Variants in KIZ observed in about 807,000 individuals in gnomAD.
KIZ encodes the protein centrosomal protein kizuna.
In KIZ, 68 loss-of-function variants were observed where a neutral mutation model predicts 79.6. The observed-to-expected ratio is 0.85, with a 90% CI of 0.70 to 1.05. The LOEUF (loss-of-function observed/expected upper bound fraction) is 1.05. KIZ is among the 50% of genes least tolerant of loss of function. The pLI, the probability that KIZ is intolerant of heterozygous loss-of-function variation, is 0.00. For missense variants in KIZ, 797 were observed against 800.4 expected, an observed-to-expected ratio of 1.00 and a Z score of 0.05; for synonymous variants, 280 against 281.8, an observed-to-expected ratio of 0.99 and a Z score of 0.06.
intron 6 of KIZ, chr20:21,194,983 G>T (rs2035277907): frequency 6.6e-6 from 1 of 152,204 alleles, no homozygotes; most frequent in Non-Finnish European, 1.5e-5. Context: ...AAAAAATTTA[G>T]AAGTGCAGTT....
chr20:21,126,459 G>A (rs1052093936), intron 1 of KIZ, among the ~76,000 whole-genome samples: 1 of 152,132 alleles, frequency 6.6e-6, no homozygotes, highest in Non-Finnish European at 1.5e-5. Flanking sequence ...TCTACGGTTT[G>A]AGGATGCGGC....
chr20:21,234,773 TAA>T (rs537068910), intron 11 of KIZ, among the ~76,000 whole-genome samples: 34 of 97,146 alleles, frequency 3.5e-4, no homozygotes, highest in Admixed American at 4.2e-4. Flanking sequence ...CCACTGGACC[TAA>T]AAAAAAAAAA....
At chr20:21,161,768 A>T in intron 4 of KIZ, 103 bp from the exon 5 acceptor site, 1 of 742,522 alleles carries the variant, frequency 1.3e-6, no homozygotes, top group South Asian at 2.0e-5. Context: ...GATTTCAATA[A>T]TCATGCTTTG....
Position 21,238,218 on chromosome 20 carries a change from G to GT in KIZ, c.1880+5402dup, listed in dbSNP as rs753582048. On this transcript the variant is annotated intron_variant, in intron 11 of 12. Transcript: ENST00000619189. ...ATAGCTCCACCATTCACTCTAGTTT[G>GT]TTTTTTTTTTTTTTAAATAAAAGTC... 2.6e-3 allele frequency among the ~76,000 whole-genome samples: 358 copies of GT among 138,510 alleles called. 1 individual carries two copies. Among genetic ancestry groups the GT allele is most frequent in the South Asian group, 7.0e-3 (30 of 4,296 alleles). The allele number at this position is 138,510 out of a possible 152,430, so 90.9% of individuals were successfully genotyped here. A position where few individuals can be genotyped will look rare whatever the true frequency, so the allele number is the denominator to read the frequency against.
intron 11 of KIZ, among the ~76,000 whole-genome samples, chr20:21,243,640 A>G (rs1045531370): frequency 6.6e-6 from 1 of 152,222 alleles, no homozygotes; most frequent in Non-Finnish European, 1.5e-5. Context: ...GAGAAATCAT[A>G]TCCCGTGGAG....
At chr20:21,199,618 C>T (rs771025181) in intron 6 of KIZ, among the ~76,000 whole-genome samples, 17 of 152,146 alleles carry the variant, frequency 1.1e-4, no homozygotes, top group Non-Finnish European at 2.1e-4. Flanking sequence ...CAGGCTGCCC[C>T]GCTGCCCTCC....
rs148686049 is a variant in KIZ, at chr20:21,127,770, G to A, written c.89+1566G>A. On this transcript the variant is annotated intron_variant, in intron 1 of 12. Transcript: ENST00000619189. ...TATCAAAACCTGGATTCTAGTCCAC[G>A]AACAATTGTGTGACCTTGAGCAGGT... Among the ~76,000 whole-genome samples the A allele has an allele frequency of 3.1e-3, 477 of 152,270 alleles. 5 individuals are homozygous for A. Among genetic ancestry groups the A allele is most frequent in the African/African-American group, 0.011 (456 of 41,542 alleles).
intron 6 of KIZ, chr20:21,197,343 A>G (rs2035383821): frequency 6.6e-6 from 1 of 152,244 alleles, no homozygotes. Context: ...TTTGACTGCA[A>G]TAGGATCTGA....
chr20:21,152,216 C>G (rs1293227429), intron 4 of KIZ, among the ~76,000 whole-genome samples: 1 of 152,106 alleles, frequency 6.6e-6, no homozygotes, highest in Non-Finnish European at 1.5e-5. Flanking sequence ...AGGCAATGAG[C>G]TGGGGAAAAT....
rs1391886684 is a variant in KIZ at position 21,244,452 on chromosome 20, G to T, written c.1924+164G>T. ...GGGTGGAACCTGAGGGCTTCTGGAG[G>T]CTCAGTTCTTCACAGACAGGACCAC... On this transcript the variant is annotated intron_variant, in intron 12 of 12. Transcript: ENST00000619189. 6.4e-6 allele frequency: 4 copies of T among 625,408 alleles called. No individual in the cohort carries two copies. The African/African-American group carries it at 7.4e-5, about 12-fold the overall frequency. The allele number at this position is 625,408 out of a possible 1,614,324, so 38.7% of individuals were successfully genotyped here.
At chr20:21,221,037 G>C (rs1568990321) in intron 9 of KIZ, among the ~76,000 whole-genome samples, 1 of 152,138 alleles carries the variant, frequency 6.6e-6, no homozygotes, top group Non-Finnish European at 1.5e-5. Flanking sequence ...GGGCTGCTGG[G>C]AGGTCGGTTT....
intron 3 of KIZ, 93 bp downstream of exon 3, chr20:21,136,645 C>T: frequency 1.1e-6 from 1 of 907,034 alleles, no homozygotes; most frequent in South Asian, 2.0e-5. Flanking sequence ...GTTACCCAGG[C>T]TAGACTTGAA....
At chr20:21,212,501 G>T (rs2036109579) in intron 7 of KIZ, among the ~76,000 whole-genome samples, 1 of 152,210 alleles carries the variant, frequency 6.6e-6, no homozygotes, top group East Asian at 1.9e-4. Flanking sequence ...TAATGTAAGT[G>T]TTCTGAGCAG....
intron 11 of KIZ, among the ~76,000 whole-genome samples, chr20:21,240,997 G>A (rs1381949962): frequency 6.6e-6 from 1 of 152,172 alleles, no homozygotes; most frequent in Non-Finnish European, 1.5e-5. Flanking sequence ...CTTACAAGAT[G>A]GAAACATTAC....
At chr20:21,133,620 A>G (rs2031987445) in intron 2 of KIZ, among the ~76,000 whole-genome samples, 1 of 152,218 alleles carries the variant, frequency 6.6e-6, no homozygotes, top group African/African-American at 2.4e-5. Flanking sequence ...TGATTTGCTA[A>G]AAATAGGCTT....
chr20:21,225,954 C>T (rs1027917410), intron 9 of KIZ, among the ~76,000 whole-genome samples: 2 of 152,214 alleles, frequency 1.3e-5, no homozygotes, highest in African/African-American at 4.8e-5. Context: ...GTTCCAACAA[C>T]CCTTTCAACA....
rs188225182 is a variant in KIZ at position 21,162,839 on chromosome 20, G to A, written c.1043-11G>A. ...CAGTGATTGGTAATCAGTTCATGTC[G>A]CCACTTGCAGATCATCTTGCTCACA... On this transcript the variant is annotated splice_polypyrimidine_tract_variant and intron_variant, in intron 5 of 12. Transcript: ENST00000619189. The A allele has an allele frequency of 8.8e-5, 142 of 1,605,228 alleles. No individual in the cohort carries two copies. In the African/African-American group the frequency reaches 1.8e-3, roughly 20 times the overall value.
chr20:21,238,354 T>A (rs62217867), intron 11 of KIZ, among the ~76,000 whole-genome samples: 5 of 113,562 alleles, frequency 4.4e-5, no homozygotes, highest in East Asian at 5.2e-4. Flanking sequence ...AGAGAGAGAG[T>A]GTGTGTGTGT....
At chr20:21,185,015 C>T (rs902198073) in intron 6 of KIZ, among the ~76,000 whole-genome samples, 1 of 151,830 alleles carries the variant, frequency 6.6e-6, no homozygotes, top group Non-Finnish European at 1.5e-5. Context: ...TGCATTCCAG[C>T]CCAGGCAACA....
Sources: gnomAD v4.1 joint callset for allele counts (sites outside exome capture counted in the v4.1 genomes callset) on GRCh38, gnomAD v4.1.1 for gene constraint, MANE v1.5 for transcripts, NCBI Gene and HGNC (gene_info 2026-07-23, HGNC 2026-07-21) for gene names.